The following SGCZ variants were observed in gnomAD, a reference collection of about 807,000 sequenced individuals.
SGCZ encodes sarcoglycan zeta.
SGCZ carries 40 observed loss-of-function variants against 41.3 expected under a neutral mutation model. That is an observed-to-expected ratio of 0.97 (90% CI 0.75 to 1.26). The LOEUF is 1.26. Among genes scored for constraint, SGCZ ranks in the 50% most tolerant of loss-of-function variants. The pLI is 0.00. For synonymous variants in SGCZ, 206 were observed against 137.5 expected (o/e 1.50, Z -3.49); for missense variants, 552 against 369.8 (o/e 1.49, Z -4.04).
intron 2 of SGCZ, 29 bp from the exon 3 acceptor site, chr8:14,324,233 T>C: frequency 6.6e-7 from 1 of 1,522,616 alleles, no homozygotes; most frequent in Non-Finnish European, 9.1e-7. Flanking sequence ...AGTTCACTTT[T>C]AGGTTAATTG....
chr8:14,663,498 G>A (rs1708709415), intron 1 of SGCZ, among the ~76,000 whole-genome samples: 1 of 151,976 alleles, frequency 6.6e-6, no homozygotes, highest in Admixed American at 6.6e-5. Flanking sequence ...TGATTTTCAG[G>A]TGAGTTGTCT....
chr8:14,479,946 T>G (rs1049244353), intron 2 of SGCZ, among the ~76,000 whole-genome samples: 1 of 152,118 alleles, frequency 6.6e-6, no homozygotes, highest in Non-Finnish European at 1.5e-5. Context: ...AGTTTCACCA[T>G]GTTGGTCAGG....
intron 3 of SGCZ, among the ~76,000 whole-genome samples, chr8:14,289,064 C>A (rs181628610): frequency 1.3e-5 from 2 of 151,968 alleles, no homozygotes; most frequent in South Asian, 2.1e-4. Context: ...GATATCTATT[C>A]GTATATCTTC....
intron 1 of SGCZ, among the ~76,000 whole-genome samples, chr8:14,704,307 T>A (rs1256450249): frequency 6.6e-6 from 1 of 151,992 alleles, no homozygotes; most frequent in Non-Finnish European, 1.5e-5. Context: ...CTATTTTTTA[T>A]CCCCATCTGG....
intron 5 of SGCZ, among the ~76,000 whole-genome samples, chr8:14,162,316 A>G (rs1804072119): frequency 2.0e-5 from 3 of 152,128 alleles, no homozygotes; most frequent in Admixed American, 2.0e-4. Flanking sequence ...TAAATTTTTG[A>G]TAAGTGTGTA....
chr8:14,970,703 T>A (rs899152334), intron 1 of SGCZ, among the ~76,000 whole-genome samples: 2 of 152,194 alleles, frequency 1.3e-5, no homozygotes, highest in African/African-American at 4.8e-5. Context: ...TTTACTTCTG[T>A]AGCTTTATGA....
chr8:14,328,949 G>C (rs898034145), intron 2 of SGCZ, among the ~76,000 whole-genome samples: 2 of 152,208 alleles, frequency 1.3e-5, no homozygotes, highest in African/African-American at 2.4e-5. Flanking sequence ...GGAGGACACA[G>C]CAACACTGTG....
intron 1 of SGCZ, among the ~76,000 whole-genome samples, chr8:15,012,002 T>G (rs759531028): frequency 6.6e-6 from 1 of 152,150 alleles, no homozygotes; most frequent in Non-Finnish European, 1.5e-5. Flanking sequence ...AAGGTCACAT[T>G]TGCATCTATT....
intron 1 of SGCZ, among the ~76,000 whole-genome samples, chr8:14,850,584 AG>A (rs1803278490): frequency 6.6e-6 from 1 of 152,210 alleles, no homozygotes; most frequent in South Asian, 2.1e-4. Context: ...TTCATAGAAT[AG>A]GAACTAAAAT....
intron 2 of SGCZ, among the ~76,000 whole-genome samples, chr8:14,524,258 G>A (rs997114828): frequency 7.3e-5 from 11 of 151,712 alleles, no homozygotes; most frequent in Middle Eastern, 3.2e-3. Context: ...GCAAGAGAAC[G>A]GGTATGTGCT....
At chr8:14,290,177 T>A (rs1426453420) in intron 3 of SGCZ, among the ~76,000 whole-genome samples, 1 of 151,902 alleles carries the variant, frequency 6.6e-6, no homozygotes, top group Non-Finnish European at 1.5e-5. Context: ...TTTTATCATA[T>A]AAAAATAACT....
At chr8:14,736,899 A>G (rs1799051715) in intron 1 of SGCZ, among the ~76,000 whole-genome samples, 1 of 152,008 alleles carries the variant, frequency 6.6e-6, no homozygotes, top group African/African-American at 2.4e-5. Flanking sequence ...AAGAGAAGTC[A>G]TTATACAAAA....
At chr8:14,941,018 T>G (rs1202830270) in intron 1 of SGCZ, among the ~76,000 whole-genome samples, 2 of 152,060 alleles carry the variant, frequency 1.3e-5, no homozygotes, top group African/African-American at 2.4e-5. Context: ...ATGTGGAAAC[T>G]CCCTAATATT....
intron 1 of SGCZ, among the ~76,000 whole-genome samples, chr8:15,113,078 G>A (rs1807131166): frequency 1.3e-5 from 2 of 151,820 alleles, no homozygotes; most frequent in Non-Finnish European, 2.9e-5. Context: ...ATGTGGTTGT[G>A]AGCGCCTGTA....
intron 1 of SGCZ, among the ~76,000 whole-genome samples, chr8:15,152,171 G>C (rs1237185441): frequency 6.6e-6 from 1 of 152,148 alleles, no homozygotes; most frequent in Non-Finnish European, 1.5e-5. Flanking sequence ...TAATAATAAA[G>C]ATGTCAAGCT....
intron 1 of SGCZ, among the ~76,000 whole-genome samples, chr8:15,204,215 A>C (rs111796997): frequency 6.2e-4 from 94 of 152,316 alleles, no homozygotes; most frequent in African/African-American, 2.1e-3. Flanking sequence ...GTTTCATAAT[A>C]ATTATATAGA....
At chr8:14,928,262 C>A (rs1386551835) in intron 1 of SGCZ, among the ~76,000 whole-genome samples, 1 of 152,086 alleles carries the variant, frequency 6.6e-6, no homozygotes, top group African/African-American at 2.4e-5. Flanking sequence ...TGGCATAGGA[C>A]TTCTAGTTAT....
intron 3 of SGCZ, chr8:14,309,549 C>A: frequency 6.2e-7 from 1 of 1,610,464 alleles, no homozygotes; most frequent in Non-Finnish European, 8.5e-7. Context: ...GAAGCTGTTA[C>A]ACATACAGGG....
At chr8:14,825,441 CAATT>C (rs1802269293) in intron 1 of SGCZ, among the ~76,000 whole-genome samples, 2 of 152,088 alleles carry the variant, frequency 1.3e-5, no homozygotes, top group Admixed American at 1.3e-4. Flanking sequence ...CATTTTTAGA[CAATT>C]AAAAGTAATT....
Sources: allele counts gnomAD v4.1 joint callset (sites outside exome capture counted in the v4.1 genomes callset), GRCh38; gene constraint gnomAD v4.1.1; transcripts MANE v1.5; gene names NCBI Gene and HGNC (gene_info 2026-07-23, HGNC 2026-07-21).